SGCD: variants seen among roughly 807,000 people sequenced by gnomAD.
SGCD encodes sarcoglycan delta, also known as delta-sarcoglycan.
SGCD carries 18 observed loss-of-function variants against 36.6 expected under a neutral mutation model. That is an observed-to-expected ratio of 0.49 (90% confidence interval 0.34 to 0.73). The LOEUF (loss-of-function observed/expected upper bound fraction) is 0.73. Ranked by LOEUF, SGCD falls within the 30% of genes least tolerant of loss-of-function variation. SGCD has a pLI of 0.01. For missense variants in SGCD, 387 were observed against 346.7 expected (o/e 1.12, Z -0.92); for synonymous variants, 133 against 130.6 (o/e 1.02, Z -0.12).
chr5:155,886,038 G>A (rs778919640), intron 1 of SGCD, among the ~76,000 whole-genome samples: 4 of 152,152 alleles, frequency 2.6e-5, no homozygotes, highest in Non-Finnish European at 5.9e-5. Flanking sequence ...GTGAGAAAAT[G>A]CTTACTTCTG....
chr5:155,977,739 G>T (rs935832664), intron 1 of SGCD, among the ~76,000 whole-genome samples: 1 of 152,204 alleles, frequency 6.6e-6, no homozygotes, highest in African/African-American at 2.4e-5. Context: ...AACCAAGAAA[G>T]TGAAGAATGA....
chr5:155,857,096 G>A, the SGCD span, among the ~76,000 whole-genome samples: 1 of 152,116 alleles, frequency 6.6e-6, no homozygotes, highest in Non-Finnish European at 1.5e-5. Flanking sequence ...AATTAGCCAG[G>A]CATCATGGGG....
At chr5:156,318,873 G>A (rs1186645870) in intron 3 of SGCD, among the ~76,000 whole-genome samples, 1 of 152,180 alleles carries the variant, frequency 6.6e-6, no homozygotes, top group African/African-American at 2.4e-5. Flanking sequence ...TGGGATTACA[G>A]GCATGAGTCA....
intron 7 of SGCD, among the ~76,000 whole-genome samples, chr5:156,727,937 A>G (rs1755859881): frequency 6.6e-6 from 1 of 152,224 alleles, no homozygotes; most frequent in South Asian, 2.1e-4. Flanking sequence ...AGTTCAATCC[A>G]TAAACAATAC....
At chr5:156,083,307 T>A (rs1416491738) in intron 1 of SGCD, among the ~76,000 whole-genome samples, 6 of 151,918 alleles carry the variant, frequency 3.9e-5, no homozygotes. Flanking sequence ...TTTTTTTTTT[T>A]CTTTTTTTTG....
intron 2 of SGCD, among the ~76,000 whole-genome samples, chr5:156,339,905 C>T (rs1768557848): frequency 6.6e-6 from 1 of 152,156 alleles, no homozygotes; most frequent in Non-Finnish European, 1.5e-5. Flanking sequence ...TCTGTACTTT[C>T]TGGTTGTATA....
intron 3 of SGCD, among the ~76,000 whole-genome samples, chr5:156,275,650 G>C (rs1221330529): frequency 6.6e-6 from 1 of 152,112 alleles, no homozygotes; most frequent in Non-Finnish European, 1.5e-5. Context: ...GGGATGAAAG[G>C]GATCTGAGGA....
chr5:156,070,134 C>A (rs1327313233), intron 1 of SGCD, among the ~76,000 whole-genome samples: 3 of 148,744 alleles, frequency 2.0e-5, no homozygotes, highest in Non-Finnish European at 4.4e-5. Context: ...CCTTCTCCTG[C>A]CTCATTGCCC....
chr5:155,782,832 T>C, the SGCD span, among the ~76,000 whole-genome samples: 3 of 152,116 alleles, frequency 2.0e-5, no homozygotes, highest in African/African-American at 4.8e-5. Flanking sequence ...TGATCTGAGG[T>C]GGAACAGTTC....
the SGCD span, among the ~76,000 whole-genome samples, chr5:155,833,053 C>CAAAAAAAAAAAAAAA: frequency 7.8e-5 from 7 of 90,318 alleles, no homozygotes; most frequent in African/African-American, 2.4e-4. Flanking sequence ...ACTAAAAATA[C>CAAAAAAAAAAAAAAA]GAAAAAAAAA....
At chr5:156,178,461 C>G (rs1432101756) in intron 3 of SGCD, among the ~76,000 whole-genome samples, 1 of 152,188 alleles carries the variant, frequency 6.6e-6, no homozygotes, top group East Asian at 1.9e-4. Context: ...CAACAAATCT[C>G]TTTTACAAAT....
rs1561686110 is a variant in SGCD, at chr5:156,423,427, TAAAA to T, written c.192+78751_192+78754del. ...TATAATATAATATATTATATTTTAATAAAATATAATATATTTATTTTATTATAAT... is the reference window on the plus strand; with the variant it reads ...TATAATATAATATATTATATTTTAATTATAATATATTTATTTTATTATAAT... On this transcript the variant is annotated intron_variant, in intron 3 of 8. Coordinates refer to ENST00000337851, the MANE Select transcript of SGCD (RefSeq NM_000337.6). 3.3e-4 allele frequency among the ~76,000 whole-genome samples: 38 copies of T among 115,320 alleles called. 1 individual carries two copies. In the East Asian group the frequency reaches 4.7e-3, roughly 14 times the overall value. 75.7% of individuals were successfully genotyped at this position (115,320 alleles called of 152,430 possible). A position where few individuals can be genotyped will look rare whatever the true frequency, so the allele number is the denominator to read the frequency against.
chr5:156,549,419 C>T (rs978408058), intron 4 of SGCD, among the ~76,000 whole-genome samples: 4 of 152,174 alleles, frequency 2.6e-5, no homozygotes, highest in African/African-American at 7.2e-5. Flanking sequence ...TCCATGTCTT[C>T]CATCAAACAC....
At chr5:156,403,268 A>G (rs951677766) in intron 3 of SGCD, among the ~76,000 whole-genome samples, 3 of 152,162 alleles carry the variant, frequency 2.0e-5, no homozygotes, top group Non-Finnish European at 4.4e-5. Context: ...TGTGTTCCTT[A>G]GAATCACAAT....
At chr5:155,988,220 C>T (rs994411848) in intron 1 of SGCD, among the ~76,000 whole-genome samples, 1 of 152,012 alleles carries the variant, frequency 6.6e-6, no homozygotes, top group Non-Finnish European at 1.5e-5. Context: ...GCCTAATGGT[C>T]ACAGGATGAC....
chr5:155,792,129 A>T, the SGCD span, among the ~76,000 whole-genome samples: 10 of 152,312 alleles, frequency 6.6e-5, no homozygotes, highest in South Asian at 1.7e-3. Flanking sequence ...CTGTTATTCA[A>T]CAAAGTTGAC....
chr5:156,146,892 A>G (rs1373432179), intron 3 of SGCD, among the ~76,000 whole-genome samples: 2 of 152,166 alleles, frequency 1.3e-5, no homozygotes, highest in Admixed American at 6.5e-5. Flanking sequence ...TTTTGGGGAA[A>G]ATGTTTAAAA....
chr5:156,392,899 C>A (rs1204146898), intron 3 of SGCD, among the ~76,000 whole-genome samples: 3 of 152,130 alleles, frequency 2.0e-5, no homozygotes, highest in Non-Finnish European at 4.4e-5. Flanking sequence ...CTCCTCCCAA[C>A]ATCCAGCCAC....
In SGCD at chr5:156,136,186, C is replaced by T. The variant is rs1156229815; in HGVS notation, c.-44+12167C>T. On this transcript the variant is annotated intron_variant, in intron 3 of 9. Coordinates refer to the SGCD transcript ENST00000517913. ...AGGATGCAGTGGTGCAGATGCAGCT[C>T]ACTTCAGCCTCTGCCTCTTGGGCTC... is the stretch of plus-strand genomic sequence containing the variant. 2.0e-5 allele frequency among the ~76,000 whole-genome samples: 3 copies of T among 152,156 alleles called. No homozygotes were observed. In the East Asian group the frequency reaches 5.8e-4, roughly 29 times the overall value.
Sources: allele counts gnomAD v4.1 joint callset (sites outside exome capture counted in the v4.1 genomes callset), GRCh38; gene constraint gnomAD v4.1.1; transcripts MANE v1.5; gene names NCBI Gene and HGNC (gene_info 2026-07-23, HGNC 2026-07-21).